MUSK: variants seen among roughly 807,000 people sequenced by gnomAD.
MUSK encodes muscle, skeletal receptor tyrosine-protein kinase.
A neutral mutation model predicts 88.7 loss-of-function variants in MUSK; 55 were observed. The ratio of observed to expected loss-of-function variants is 0.62; its 90% CI spans 0.50 to 0.78. The LOEUF (loss-of-function observed/expected upper bound fraction) is 0.78, where lower values mean the gene tolerates loss of function less well. Ranked by LOEUF, MUSK falls within the 30% of genes least tolerant of loss-of-function variation. MUSK has a pLI of 0.00. For synonymous variants in MUSK, 387 were observed against 391.9 expected, an observed-to-expected ratio of 0.99 and a Z score of 0.15; for missense variants, 1,015 against 1,074.3, an observed-to-expected ratio of 0.94 and a Z score of 0.77.
intron 7 of MUSK, 145 bp downstream of exon 7, chr9:110,747,945 C>G: frequency 9.0e-7 from 1 of 1,113,252 alleles, no homozygotes; most frequent in African/African-American, 1.5e-5. Context: ...CATGGGGATA[C>G]TCCGGAGGTG....
At chr9:110,731,152 A>T (rs986953627) in intron 5 of MUSK, among the ~76,000 whole-genome samples, 1 of 152,110 alleles carries the variant, frequency 6.6e-6, no homozygotes, top group South Asian at 2.1e-4. Flanking sequence ...TATATATACC[A>T]TGCAGGGTTC....
At chr9:110,742,488 C>CA (rs1366560786) in intron 6 of MUSK, among the ~76,000 whole-genome samples, 2 of 151,714 alleles carry the variant, frequency 1.3e-5, no homozygotes, top group Non-Finnish European at 2.9e-5. Flanking sequence ...GGGAGACTGA[C>CA]AATATAACTT....
chr9:110,766,014 C>A (rs909384159), intron 8 of MUSK, among the ~76,000 whole-genome samples: 1 of 152,134 alleles, frequency 6.6e-6, no homozygotes, highest in African/African-American at 2.4e-5. Context: ...TTTTTCTCAG[C>A]CCCTCTGTGC....
intron 5 of MUSK, among the ~76,000 whole-genome samples, chr9:110,730,598 C>T (rs1442404768): frequency 6.6e-6 from 1 of 151,936 alleles, no homozygotes; most frequent in Non-Finnish European, 1.5e-5. Flanking sequence ...TGACTTGTGT[C>T]CAAGTTTGTT....
intron 5 of MUSK, among the ~76,000 whole-genome samples, chr9:110,705,084 T>C (rs904961219): frequency 1.3e-5 from 2 of 152,126 alleles, no homozygotes; most frequent in Non-Finnish European, 2.9e-5. Context: ...AAGAGAACTT[T>C]ATAATTAGGA....
chr9:110,697,340 G>A lies in MUSK; in HGVS notation c.502G>A (p.Ala168Thr), dbSNP rs765052433. The change falls in exon 5 of 15, where the codon GCA becomes ACA. Residue 168 changes from alanine to threonine, a missense_variant. By Grantham distance (58) the Ala-to-Thr change is moderately conservative. Coordinates refer to ENST00000374448, the MANE Select transcript of MUSK (RefSeq NM_005592.4). Reference sequence around the variant, plus strand: ...TCTCTGGCAGGAAAATTCCCGAATTGCAGTTCTTGAATCTGGGAGCTTGAG... The same window carrying A: ...TCTCTGGCAGGAAAATTCCCGAATTACAGTTCTTGAATCTGGGAGCTTGAG... Reference protein sequence around the residue: ...DSPLRENSRIAVLESGSLRIH... With the variant: ...DSPLRENSRITVLESGSLRIH... 9.3e-6 allele frequency: 15 copies of A among 1,612,396 alleles called. No individual in the cohort carries two copies. The highest frequency in any genetic ancestry group is 1.3e-5 in the Non-Finnish European group (15 of 1,178,970).
chr9:110,677,303 C>A (rs1355328557), intron 1 of MUSK, among the ~76,000 whole-genome samples: 1 of 152,218 alleles, frequency 6.6e-6, no homozygotes, highest in East Asian at 1.9e-4. Flanking sequence ...CACAACCTAA[C>A]CCCCACCACT....
intron 1 of MUSK, among the ~76,000 whole-genome samples, chr9:110,676,360 A>ATATTATGTATTATATATTATAT (rs2076029643): frequency 6.8e-6 from 1 of 147,502 alleles, no homozygotes; most frequent in Non-Finnish European, 1.5e-5. Flanking sequence ...TATATATTAT[A>ATATTATGTATTATATATTATAT]TATTATATAT....
At chr9:110,746,665 G>A (rs2077178072) in intron 6 of MUSK, among the ~76,000 whole-genome samples, 1 of 152,152 alleles carries the variant, frequency 6.6e-6, no homozygotes, top group Non-Finnish European at 1.5e-5. Context: ...TGATTTTCTG[G>A]TTTAAGTAGT....
chr9:110,697,025 C>T (rs887999028), intron 4 of MUSK, among the ~76,000 whole-genome samples: 9 of 147,958 alleles, frequency 6.1e-5, no homozygotes, highest in Non-Finnish European at 1.3e-4. Flanking sequence ...AAAATAAGCC[C>T]ATATACATAT....
rs146487367 is a variant in MUSK, at chr9:110,736,743, A to G, written c.753+2368A>G. The stretch of plus-strand genomic sequence containing the variant: ...CATTGTTTTGTATAAAAATATCAGG[A>G]ACTATTTTGAGGTCTAGATGAAGGT... On this transcript the variant is annotated intron_variant, in intron 6 of 14. Transcript: ENST00000374448. 7.9e-5 allele frequency among the ~76,000 whole-genome samples: 12 copies of G among 152,164 alleles called. No homozygotes were observed. In the East Asian group the frequency reaches 2.3e-3, roughly 29 times the overall value.
intron 5 of MUSK, among the ~76,000 whole-genome samples, chr9:110,726,812 C>G (rs1281684432): frequency 6.6e-6 from 1 of 151,898 alleles, no homozygotes; most frequent in Admixed American, 6.6e-5. Flanking sequence ...TGTTCTGGGG[C>G]TCTAGAAAGA....
At chr9:110,705,382 T>C (rs371915392) in intron 5 of MUSK, among the ~76,000 whole-genome samples, 42 of 152,122 alleles carry the variant, frequency 2.8e-4, no homozygotes, top group African/African-American at 9.9e-4. Context: ...AGGGAAGGAA[T>C]CAATCCATAA....
chr9:110,705,649 A>C (rs993163932), intron 5 of MUSK, among the ~76,000 whole-genome samples: 2 of 152,238 alleles, frequency 1.3e-5, no homozygotes, highest in Non-Finnish European at 2.9e-5. Flanking sequence ...GACTTACAGC[A>C]TAAAGGGAAA....
intron 2 of MUSK, among the ~76,000 whole-genome samples, chr9:110,686,214 C>T (rs2076194769): frequency 6.6e-6 from 1 of 152,080 alleles, no homozygotes; most frequent in South Asian, 2.1e-4. Flanking sequence ...CTAGCAATGG[C>T]ACTACTCTGA....
intron 5 of MUSK, among the ~76,000 whole-genome samples, chr9:110,713,187 C>G (rs2076696248): frequency 6.6e-6 from 1 of 151,864 alleles, no homozygotes; most frequent in Non-Finnish European, 1.5e-5. Flanking sequence ...GCTATAAAAA[C>G]AGAATAAACC....
At chr9:110,774,233 T>C (rs1486804682) in intron 9 of MUSK, among the ~76,000 whole-genome samples, 2 of 152,232 alleles carry the variant, frequency 1.3e-5, no homozygotes, top group Non-Finnish European at 2.9e-5. Flanking sequence ...AATTTGTTTA[T>C]TTCTTGCAGT....
intron 5 of MUSK, among the ~76,000 whole-genome samples, chr9:110,722,581 A>G (rs1176348614): frequency 6.6e-6 from 1 of 152,084 alleles, no homozygotes; most frequent in African/African-American, 2.4e-5. Flanking sequence ...GCTTCTGTAC[A>G]GCAAAAGAAA....
intron 6 of MUSK, among the ~76,000 whole-genome samples, chr9:110,745,648 T>C (rs1219209873): frequency 6.6e-6 from 1 of 152,214 alleles, no homozygotes; most frequent in Non-Finnish European, 1.5e-5. Flanking sequence ...ATAAATATGA[T>C]AATGATGAGT....
Sources: gnomAD v4.1 joint callset for allele counts (sites outside exome capture counted in the v4.1 genomes callset) on GRCh38, gnomAD v4.1.1 for gene constraint, MANE v1.5 for transcripts, NCBI Gene and HGNC (gene_info 2026-07-23, HGNC 2026-07-21) for gene names.